NLGN1: variants seen among roughly 807,000 people sequenced by gnomAD.
NLGN1 encodes neuroligin 1.
Under a neutral mutation model 65.5 loss-of-function variants are expected in NLGN1, and 12 were observed. The ratio of observed to expected loss-of-function variants is 0.18; its 90% CI spans 0.12 to 0.30. The LOEUF is 0.30. NLGN1 is among the 10% of genes least tolerant of loss of function. NLGN1 has a pLI of 1.00. For missense variants in NLGN1, 750 were observed against 1,007.1 expected (o/e 0.74, Z 3.46); for synonymous variants, 350 against 359.5 (o/e 0.97, Z 0.30).
intron 4 of NLGN1, among the ~76,000 whole-genome samples, chr3:173,883,582 A>T (rs1235042002): frequency 6.6e-6 from 1 of 152,182 alleles, no homozygotes; most frequent in African/African-American, 2.4e-5. Context: ...TTTATATAAA[A>T]AAATAAAACT....
intron 2 of NLGN1, among the ~76,000 whole-genome samples, chr3:173,583,333 CA>C (rs1387187321): frequency 1.3e-5 from 2 of 152,126 alleles, no homozygotes; most frequent in Non-Finnish European, 2.9e-5. Context: ...TTGATTCTCC[CA>C]TCCAGGAACA....
intron 4 of NLGN1, among the ~76,000 whole-genome samples, chr3:173,997,597 G>A (rs911759909): frequency 9.2e-5 from 14 of 151,892 alleles, no homozygotes; most frequent in African/African-American, 1.9e-4. Flanking sequence ...CTGTGTTCCC[G>A]GCAATATTCA....
intron 4 of NLGN1, among the ~76,000 whole-genome samples, chr3:173,855,635 C>A (rs970619232): frequency 6.6e-6 from 1 of 152,034 alleles, no homozygotes; most frequent in African/African-American, 2.4e-5. Context: ...TAAAGAATGA[C>A]CACAACGGTT....
intron 4 of NLGN1, among the ~76,000 whole-genome samples, chr3:173,883,100 T>C (rs1733645990): frequency 6.6e-6 from 1 of 150,718 alleles, no homozygotes; most frequent in Non-Finnish European, 1.5e-5. Context: ...GCAAGAGATC[T>C]AGCTTTCACC....
At chr3:173,861,238 TG>T (rs1292288467) in intron 4 of NLGN1, among the ~76,000 whole-genome samples, 2 of 151,986 alleles carry the variant, frequency 1.3e-5, no homozygotes, top group African/African-American at 2.4e-5. Flanking sequence ...GATGAGAGTT[TG>T]AAAAAAATAT....
intron 3 of NLGN1, among the ~76,000 whole-genome samples, chr3:173,625,889 G>A (rs1332299048): frequency 6.6e-6 from 1 of 151,942 alleles, no homozygotes; most frequent in Admixed American, 6.6e-5. Context: ...TTTCTGTTGG[G>A]GTATGGACTT....
At chr3:173,842,672 G>A (rs547851687) in intron 4 of NLGN1, among the ~76,000 whole-genome samples, 8 of 152,274 alleles carry the variant, frequency 5.3e-5, no homozygotes, top group Admixed American at 1.3e-4. Flanking sequence ...TCCAGGTCAC[G>A]CTGATGCAAG....
chr3:174,075,930 A>G (rs1740814109), intron 4 of NLGN1, among the ~76,000 whole-genome samples: 2 of 152,184 alleles, frequency 1.3e-5, no homozygotes, highest in South Asian at 4.1e-4. Context: ...TTACATTGCT[A>G]TATGAAGAAT....
intron 4 of NLGN1, among the ~76,000 whole-genome samples, chr3:173,813,684 G>C (rs1270279439): frequency 6.6e-6 from 1 of 152,156 alleles, no homozygotes; most frequent in African/African-American, 2.4e-5. Context: ...CAGAAAGTTA[G>C]GTCATGAATA....
intron 2 of NLGN1, among the ~76,000 whole-genome samples, chr3:173,509,039 A>G (rs765159631): frequency 6.6e-6 from 1 of 152,196 alleles, no homozygotes; most frequent in Non-Finnish European, 1.5e-5. Context: ...AGTCCATCAG[A>G]AAGATGGCAC....
intron 2 of NLGN1, among the ~76,000 whole-genome samples, chr3:173,500,994 G>T (rs192228335): frequency 6.6e-6 from 1 of 151,902 alleles, no homozygotes. Flanking sequence ...ATAGCTACTG[G>T]GTTTTTACAG....
downstream of NLGN1, among the ~76,000 whole-genome samples, chr3:174,291,035 A>AT (rs1382793215): frequency 6.6e-6 from 1 of 150,804 alleles, no homozygotes; most frequent in Non-Finnish European, 1.5e-5. Context: ...AGAAAAAATA[A>AT]TTTTTTAAAT....
intron 4 of NLGN1, among the ~76,000 whole-genome samples, chr3:173,825,451 T>C (rs1721152025): frequency 6.6e-6 from 1 of 152,094 alleles, no homozygotes; most frequent in African/African-American, 2.4e-5. Context: ...TATCCTTTGC[T>C]CAGCCTTTGT....
intron 3 of NLGN1, among the ~76,000 whole-genome samples, chr3:173,747,659 A>G (rs1034343608): frequency 2.0e-5 from 3 of 151,140 alleles, no homozygotes; most frequent in Non-Finnish European, 4.4e-5. Context: ...GATGACTAAG[A>G]TTGAGTATTC....
intron 3 of NLGN1, among the ~76,000 whole-genome samples, chr3:173,763,386 G>A (rs903891671): frequency 4.6e-5 from 7 of 152,072 alleles, no homozygotes; most frequent in Non-Finnish European, 5.9e-5. Context: ...TAGACAAAAT[G>A]TAAGGGGTTG....
intron 4 of NLGN1, among the ~76,000 whole-genome samples, chr3:174,194,345 AAGGCTGAGGC>A (rs1402870065): frequency 6.6e-6 from 1 of 151,690 alleles, no homozygotes; most frequent in Non-Finnish European, 1.5e-5. Context: ...AGCTACTCAG[AAGGCTGAGGC>A]AGGATAATCA....
At chr3:173,595,458 A>G (rs1430737089) in intron 2 of NLGN1, among the ~76,000 whole-genome samples, 1 of 152,142 alleles carries the variant, frequency 6.6e-6, no homozygotes, top group Non-Finnish European at 1.5e-5. Flanking sequence ...TATTGTCCAT[A>G]TCATTATCAG....
chr3:174,188,991 C>T (rs1467465823), intron 4 of NLGN1, among the ~76,000 whole-genome samples: 5 of 151,888 alleles, frequency 3.3e-5, no homozygotes, highest in African/African-American at 1.2e-4. Context: ...AAATAATGTA[C>T]TTACACTTAA....
In NLGN1 at chr3:173,713,863, T is replaced by A. The variant is rs190054085; in HGVS notation, c.494-93817T>A. Among the ~76,000 whole-genome samples, 3 of 152,198 alleles carry A rather than the reference T, an allele frequency of 2.0e-5. No individual in the cohort carries two copies. The East Asian group carries it at 5.8e-4, about 29-fold the overall frequency. Reference sequence around the variant, plus strand: ...CAAATCACATATGTACCCTATATTGTAGGGTGCATTGTTATGCCTGGAAGA... The same window carrying A: ...CAAATCACATATGTACCCTATATTGAAGGGTGCATTGTTATGCCTGGAAGA... On this transcript the variant is annotated intron_variant, in intron 3 of 6. Coordinates refer to ENST00000457714, the Ensembl canonical transcript of NLGN1.
Sources: allele counts gnomAD v4.1 joint callset (sites outside exome capture counted in the v4.1 genomes callset), GRCh38; gene constraint gnomAD v4.1.1; transcripts MANE v1.5; gene names NCBI Gene and HGNC (gene_info 2026-07-23, HGNC 2026-07-21).